Variants in TMX2 observed in about 807,000 individuals in gnomAD.
TMX2 encodes thioredoxin-related transmembrane protein 2.
A neutral mutation model predicts 33.4 loss-of-function variants in TMX2; 20 were observed. The observed-to-expected ratio is 0.60, with a 90% CI of 0.42 to 0.87. TMX2 has a LOEUF of 0.87. Ranked by LOEUF, TMX2 falls within the 40% of genes least tolerant of loss-of-function variation. The probability of loss-of-function intolerance (pLI) is 0.00; values close to 1 mark genes in which losing one functional copy is unlikely to be tolerated. For missense variants in TMX2, 340 were observed against 370.7 expected, an observed-to-expected ratio of 0.92 and a Z score of 0.68; for synonymous variants, 166 against 140.7, an observed-to-expected ratio of 1.18 and a Z score of -1.27.
intron 1 of TMX2, among the ~76,000 whole-genome samples, chr11:57,727,551 A>T (rs1565223826): frequency 6.6e-6 from 1 of 152,186 alleles, no homozygotes; most frequent in East Asian, 1.9e-4. Context: ...GGTTTTATTT[A>T]ACCCTGGATA....
chr11:57,719,038 T>TAA (rs2135490167), intron 1 of TMX2, among the ~76,000 whole-genome samples: 1 of 138,880 alleles, frequency 7.2e-6, no homozygotes, highest in East Asian at 2.1e-4. Flanking sequence ...TATATATTTT[T>TAA]TTTTTTTTTT....
At chr11:57,713,731 C>T (rs1268669297) in intron 1 of TMX2, among the ~76,000 whole-genome samples, 1 of 152,174 alleles carries the variant, frequency 6.6e-6, no homozygotes, top group Non-Finnish European at 1.5e-5. Context: ...TATATACCCT[C>T]TTTCATAGGA....
chr11:57,726,004 T>C (rs1333796864), intron 1 of TMX2, among the ~76,000 whole-genome samples: 4 of 152,160 alleles, frequency 2.6e-5, no homozygotes, highest in Admixed American at 1.3e-4. Context: ...GATACAGATA[T>C]GTATATATAC....
chr11:57,732,454 C>T (rs948049710), intron 1 of TMX2, among the ~76,000 whole-genome samples: 2 of 152,128 alleles, frequency 1.3e-5, no homozygotes, highest in African/African-American at 2.4e-5. Context: ...TTTGATGCCA[C>T]TTCAATGAAA....
At chr11:57,728,045 T>G (rs1278023118) in intron 1 of TMX2, among the ~76,000 whole-genome samples, 1 of 152,264 alleles carries the variant, frequency 6.6e-6, no homozygotes, top group Non-Finnish European at 1.5e-5. Flanking sequence ...CTCTAAAATA[T>G]TAAGCTCTAC....
chr11:57,716,384 G>A (rs1439869950), intron 1 of TMX2, among the ~76,000 whole-genome samples: 1 of 121,804 alleles, frequency 8.2e-6, no homozygotes. Context: ...CGGCTGGCCG[G>A]GCGAGGGGCT....
At chr11:57,713,791 T>G (rs1946796485) in intron 1 of TMX2, among the ~76,000 whole-genome samples, 1 of 152,172 alleles carries the variant, frequency 6.6e-6, no homozygotes, top group Non-Finnish European at 1.5e-5. Flanking sequence ...TCGTAAATGA[T>G]TTTTAGGGTG....
intron 1 of TMX2, 112 bp from the exon 2 acceptor site, chr11:57,737,496 C>T: frequency 1.2e-6 from 1 of 819,388 alleles, no homozygotes; most frequent in African/African-American, 1.7e-5. Flanking sequence ...CTTTATTGTT[C>T]CCATTCCCAG....
At chr11:57,737,890 C>T in intron 2 of TMX2, 23 bp from the exon 3 acceptor site, 2 of 1,614,192 alleles carry the variant, frequency 1.2e-6, no homozygotes, top group Non-Finnish European at 1.7e-6. Flanking sequence ...CCCAGCCTGA[C>T]CTGTGACATC....
intron 1 of TMX2, among the ~76,000 whole-genome samples, chr11:57,734,182 AAAAAAG>A (rs1359127012): frequency 5.6e-4 from 85 of 150,834 alleles, no homozygotes; most frequent in African/African-American, 2.0e-3. Context: ...AAAAAAAAAA[AAAAAAG>A]GACTGCAAGG....
intron 1 of TMX2, among the ~76,000 whole-genome samples, chr11:57,724,357 A>G (rs1165552361): frequency 6.6e-6 from 1 of 152,132 alleles, no homozygotes; most frequent in African/African-American, 2.4e-5. Flanking sequence ...AGCAGTTAGT[A>G]TGTTTCATAT....
intron 1 of TMX2, among the ~76,000 whole-genome samples, chr11:57,725,503 G>A (rs1565221872): frequency 6.6e-6 from 1 of 152,166 alleles, no homozygotes; most frequent in Non-Finnish European, 1.5e-5. Context: ...TTGGGAGACC[G>A]AGGCGGGTGG....
chr11:57,737,785 G>A, intron 2 of TMX2, 117 bp downstream of exon 2: 6 of 1,591,404 alleles, frequency 3.8e-6, no homozygotes, highest in Non-Finnish European at 5.2e-6. Context: ...TTAATTCCAA[G>A]GCTGAATTTG....
chr11:57,713,217 G>C (rs1453325395), intron 1 of TMX2, among the ~76,000 whole-genome samples: 1 of 152,148 alleles, frequency 6.6e-6, no homozygotes, highest in Non-Finnish European at 1.5e-5. Flanking sequence ...GTGAAGAAAT[G>C]GATCTCGGTA....
chr11:57,738,783 A>G lies in TMX2; in HGVS notation c.548+13A>G, dbSNP rs369275426. 96 of 1,606,152 alleles carry G rather than the reference A, an allele frequency of 6.0e-5. No individual in the cohort carries two copies. The African/African-American group carries it at 1.2e-3, about 21-fold the overall frequency. On this transcript the variant is annotated intron_variant, in intron 5 of 7. Transcript: ENST00000278422. ...ACCTCTCCCTTAAGTGAGTAGTGCA[A>G]AGGGAGGGATGGTGGAAATGGAGAT...
At chr11:57,726,285 C>T (rs190830643) in intron 1 of TMX2, among the ~76,000 whole-genome samples, 179 of 151,966 alleles carry the variant, frequency 1.2e-3, no homozygotes, top group African/African-American at 3.9e-3. Context: ...TGGTGGCATG[C>T]GCCTGTAGTC....
chr11:57,735,693 T>A (rs1948709284), intron 1 of TMX2, among the ~76,000 whole-genome samples: 1 of 152,146 alleles, frequency 6.6e-6, no homozygotes, highest in Non-Finnish European at 1.5e-5. Context: ...GAGTCATGAA[T>A]ATTTATGAAA....
At chr11:57,713,139 C>G (rs1353128778) in intron 1 of TMX2, among the ~76,000 whole-genome samples, 1 of 152,144 alleles carries the variant, frequency 6.6e-6, no homozygotes, top group Non-Finnish European at 1.5e-5. Flanking sequence ...CAGTGCCGCT[C>G]ATTATGTAAA....
chr11:57,719,767 C>G (rs946637864), intron 1 of TMX2, among the ~76,000 whole-genome samples: 2 of 151,986 alleles, frequency 1.3e-5, no homozygotes, highest in Non-Finnish European at 2.9e-5. Context: ...TACATTTTCC[C>G]TCAGCCTCCC....
Sources: gnomAD v4.1 joint callset for allele counts (sites outside exome capture counted in the v4.1 genomes callset) on GRCh38, gnomAD v4.1.1 for gene constraint, MANE v1.5 for transcripts, NCBI Gene and HGNC (gene_info 2026-07-23, HGNC 2026-07-21) for gene names.